The following THSD7B variants were observed in gnomAD, a reference collection of about 807,000 sequenced individuals.
THSD7B encodes thrombospondin type 1 domain containing 7B.
THSD7B carries 138 observed loss-of-function variants against 213.6 expected under a neutral mutation model. The ratio of observed to expected loss-of-function variants is 0.65; its 90% CI spans 0.56 to 0.74. The LOEUF is 0.74. Ranked by LOEUF, THSD7B falls within the 30% of genes least tolerant of loss-of-function variation. THSD7B has a pLI of 0.00. For missense variants in THSD7B, 1,931 were observed against 1,991.5 expected, an observed-to-expected ratio of 0.97 and a Z score of 0.58; for synonymous variants, 742 against 687.0, an observed-to-expected ratio of 1.08 and a Z score of -1.25.
chr2:137,296,753 A>G lies in THSD7B; in HGVS notation c.2500+20727A>G, dbSNP rs560186588. Among the ~76,000 whole-genome samples the G allele has an allele frequency of 4.6e-5, 7 of 152,198 alleles. 1 individual carries two copies. The South Asian group carries it at 1.5e-3, about 32-fold the overall frequency. On this transcript the variant is annotated intron_variant, in intron 12 of 27. Coordinates refer to ENST00000409968, the MANE Select transcript of THSD7B (RefSeq NM_001316349.2). ...ATCATTGAAAACAACAACTACACAG[A>G]GGAAGGAACAGTAGGGTACAGCTCC...
intron 2 of THSD7B, among the ~76,000 whole-genome samples, chr2:136,899,009 G>C (rs1684015488): frequency 6.6e-6 from 1 of 151,932 alleles, no homozygotes; most frequent in Non-Finnish European, 1.5e-5. Flanking sequence ...TTTTTACCAT[G>C]GAAAAAGCCA....
intron 17 of THSD7B, among the ~76,000 whole-genome samples, chr2:137,590,316 C>T (rs1171611333): frequency 2.0e-5 from 3 of 152,156 alleles, no homozygotes; most frequent in Non-Finnish European, 2.9e-5. Flanking sequence ...GATTGATGGT[C>T]ATTTTATGAG....
At position 137,370,184 on chromosome 2, in the gene THSD7B, C is replaced by T. The variant is rs75822603; in HGVS notation, c.2501-35429C>T. The stretch of plus-strand genomic sequence containing the variant: ...ATGTATTTGATCTGGTATGCTATTT[C>T]GTATACTTGTGAAAGTATTTTAAAG... On this transcript the variant is annotated intron_variant, in intron 12 of 27. Transcript: ENST00000409968. Among the ~76,000 whole-genome samples, 1,276 of 152,002 alleles carry T rather than the reference C, an allele frequency of 8.4e-3. 18 individuals are homozygous for T. Among genetic ancestry groups the T allele is most frequent in the African/African-American group, 0.028 (1,177 of 41,454 alleles).
At chr2:136,776,766 G>C (rs1681613146) in intron 1 of THSD7B, among the ~76,000 whole-genome samples, 1 of 152,166 alleles carries the variant, frequency 6.6e-6, no homozygotes, top group Non-Finnish European at 1.5e-5. Context: ...ATGCTGTGAA[G>C]ACTTAGGAAG....
chr2:136,776,873 CAT>C (rs967739609), intron 1 of THSD7B, among the ~76,000 whole-genome samples: 5 of 152,064 alleles, frequency 3.3e-5, no homozygotes, highest in African/African-American at 1.2e-4. Context: ...CACACACACA[CAT>C]ACAACCAGAA....
At position 137,424,899 on chromosome 2, in the gene THSD7B, G is replaced by T. The variant is rs558625725; in HGVS notation, c.2959+13027G>T. On this transcript the variant is annotated intron_variant, in intron 14 of 27. Transcript: ENST00000409968. ...ATCCTGGCTAAGACGGTGAAACCTCGTCTCTACTAAAAATACAAAAAAATT... is the reference window on the plus strand; with the variant it reads ...ATCCTGGCTAAGACGGTGAAACCTCTTCTCTACTAAAAATACAAAAAAATT... 1.1e-3 allele frequency among the ~76,000 whole-genome samples: 164 copies of T among 151,752 alleles called. 3 individuals are homozygous for T. In the South Asian group the frequency reaches 0.032, roughly 29 times the overall value.
intron 2 of THSD7B, among the ~76,000 whole-genome samples, chr2:136,952,219 C>G (rs995428365): frequency 4.0e-5 from 6 of 151,874 alleles, no homozygotes; most frequent in African/African-American, 9.7e-5. Context: ...CCCCACCCCC[C>G]CAAAAAAGCA....
intron 10 of THSD7B, among the ~76,000 whole-genome samples, chr2:137,267,529 C>T (rs376141029): frequency 1.3e-5 from 2 of 151,290 alleles, no homozygotes; most frequent in South Asian, 2.1e-4. Flanking sequence ...CGAGTGCTCC[C>T]CTCTTTCCCT....
chr2:137,355,712 C>G (rs1685110837), intron 12 of THSD7B, among the ~76,000 whole-genome samples: 1 of 152,170 alleles, frequency 6.6e-6, no homozygotes, highest in Admixed American at 6.5e-5. Context: ...GGAAGGCAAA[C>G]TGCTTAGCTT....
intron 17 of THSD7B, among the ~76,000 whole-genome samples, chr2:137,593,730 CT>C (rs1370647353): frequency 6.6e-6 from 1 of 151,646 alleles, no homozygotes; most frequent in Non-Finnish European, 1.5e-5. Context: ...TGCGTTTTAC[CT>C]TTTTATCACA....
At chr2:137,214,589 C>T (rs548640544) in intron 7 of THSD7B, among the ~76,000 whole-genome samples, 1 of 151,838 alleles carries the variant, frequency 6.6e-6, no homozygotes, top group Non-Finnish European at 1.5e-5. Context: ...CCTAGCCCCC[C>T]ACCCCCTGAC....
At chr2:137,647,339 A>G (rs1280359751) in intron 21 of THSD7B, among the ~76,000 whole-genome samples, 2 of 152,008 alleles carry the variant, frequency 1.3e-5, no homozygotes, top group Admixed American at 6.6e-5. Context: ...AGCATGTAGC[A>G]TACCTGACTG....
chr2:137,359,382 T>A (rs1201725272), intron 12 of THSD7B, among the ~76,000 whole-genome samples: 1 of 152,142 alleles, frequency 6.6e-6, no homozygotes, highest in Middle Eastern at 3.2e-3. Context: ...CTTAAAATAG[T>A]GTGAGAGTTA....
chr2:136,840,731 A>G (rs1682908702), intron 1 of THSD7B, among the ~76,000 whole-genome samples: 1 of 152,184 alleles, frequency 6.6e-6, no homozygotes, highest in South Asian at 2.1e-4. Context: ...TCCAAGTTAT[A>G]TTCCAGGGAA....
intron 2 of THSD7B, among the ~76,000 whole-genome samples, chr2:137,024,010 T>C (rs1686497204): frequency 6.6e-6 from 1 of 152,132 alleles, no homozygotes; most frequent in African/African-American, 2.4e-5. Flanking sequence ...AAGAACTGGG[T>C]TGGAAGATGT....
At chr2:137,155,827 G>A (rs1473744357) in intron 5 of THSD7B, 2 of 152,196 alleles carry the variant, frequency 1.3e-5, no homozygotes, top group Non-Finnish European at 2.9e-5. Context: ...GATCTGTCAT[G>A]TCACGTGTTG....
intron 1 of THSD7B, among the ~76,000 whole-genome samples, chr2:136,838,779 G>C (rs1205266495): frequency 6.6e-6 from 1 of 152,086 alleles, no homozygotes; most frequent in Admixed American, 6.5e-5. Context: ...GTTCAGACCT[G>C]ATTTGCATGT....
intron 17 of THSD7B, among the ~76,000 whole-genome samples, chr2:137,604,887 A>C (rs1208392468): frequency 6.6e-6 from 1 of 152,222 alleles, no homozygotes; most frequent in Non-Finnish European, 1.5e-5. Context: ...ATTATATCCC[A>C]GTAGTATTTC....
At position 137,063,737 on chromosome 2, in the gene THSD7B, T is replaced by C. The variant is rs188493421; in HGVS notation, c.950+6507T>C. 1.6e-3 allele frequency among the ~76,000 whole-genome samples: 251 copies of C among 152,166 alleles called. 1 individual carries two copies. Among genetic ancestry groups the C allele is most frequent in the African/African-American group, 5.9e-3 (244 of 41,548 alleles). ...TCTAGCTCCATGAGTTCAATTGTTT[T>C]AATTTTTCGTTGTCACAGGTAAGTG... On this transcript the variant is annotated intron_variant, in intron 3 of 27. Transcript: ENST00000409968.
Sources: allele counts gnomAD v4.1 joint callset (sites outside exome capture counted in the v4.1 genomes callset), GRCh38; gene constraint gnomAD v4.1.1; transcripts MANE v1.5; gene names NCBI Gene and HGNC (gene_info 2026-07-23, HGNC 2026-07-21).